FAM135B: variants seen among roughly 807,000 people sequenced by gnomAD.
FAM135B encodes protein FAM135B.
In FAM135B, 43 loss-of-function variants were observed where a neutral mutation model predicts 127.7. The ratio of observed to expected loss-of-function variants is 0.34; its 90% CI spans 0.26 to 0.43. The LOEUF is 0.43. Among genes scored for constraint, FAM135B ranks in the 20% least tolerant of loss-of-function variants. The pLI is 1.00. For synonymous variants in FAM135B, 670 were observed against 665.1 expected, an observed-to-expected ratio of 1.01 and a Z score of -0.11; for missense variants, 1,558 against 1,725.6, an observed-to-expected ratio of 0.90 and a Z score of 1.72.
chr8:138,137,404 A>G (rs796941933), intron 18 of FAM135B, 144 bp from the exon 19 acceptor site: 1 of 642,914 alleles, frequency 1.6e-6, no homozygotes, highest in Non-Finnish European at 2.8e-6. Flanking sequence ...ACACAAGGAC[A>G]TTCTGTCCTG....
At chr8:138,441,589 C>T (rs1252758469) in intron 1 of FAM135B, 3 of 152,200 alleles carry the variant, frequency 2.0e-5, no homozygotes, top group Admixed American at 1.3e-4. Context: ...CCAGTTAGTA[C>T]ATACATTCCA....
At chr8:138,356,525 A>T (rs1830100275) in intron 2 of FAM135B, among the ~76,000 whole-genome samples, 1 of 152,178 alleles carries the variant, frequency 6.6e-6, no homozygotes, top group Admixed American at 6.6e-5. Flanking sequence ...TCTTCTCCAA[A>T]GAATTCTGGT....
intron 3 of FAM135B, among the ~76,000 whole-genome samples, chr8:138,295,133 G>GTTTTTTTTTTTT (rs1825391498): frequency 3.5e-5 from 4 of 115,398 alleles, no homozygotes; most frequent in African/African-American, 1.4e-4. Flanking sequence ...TTTTTTTTGG[G>GTTTTTTTTTTTT]TAGGAATCCC....
chr8:138,470,460 G>A (rs527340015), intron 1 of FAM135B, among the ~76,000 whole-genome samples: 4 of 152,198 alleles, frequency 2.6e-5, no homozygotes, highest in Admixed American at 6.5e-5. Flanking sequence ...ATGGTCTTGC[G>A]GATGATATTT....
chr8:138,447,500 C>G (rs184694505), intron 1 of FAM135B, among the ~76,000 whole-genome samples: 3 of 152,030 alleles, frequency 2.0e-5, no homozygotes, highest in Non-Finnish European at 4.4e-5. Context: ...TCATGTCCTT[C>G]GTAGGGACAT....
intron 9 of FAM135B, among the ~76,000 whole-genome samples, chr8:138,186,565 C>T (rs1013549992): frequency 2.6e-5 from 4 of 152,102 alleles, no homozygotes; most frequent in Non-Finnish European, 4.4e-5. Context: ...TTGCAATGAC[C>T]GGCCAATTCT....
intron 1 of FAM135B, among the ~76,000 whole-genome samples, chr8:138,407,439 C>G (rs1833582171): frequency 1.3e-5 from 2 of 152,240 alleles, no homozygotes; most frequent in East Asian, 3.9e-4. Flanking sequence ...AAAAAGAGCC[C>G]ACATCGCCAA....
intron 3 of FAM135B, among the ~76,000 whole-genome samples, chr8:138,306,644 G>A (rs1406459853): frequency 2.0e-5 from 3 of 149,926 alleles, no homozygotes; most frequent in Non-Finnish European, 3.0e-5. Context: ...GAGCAGTGGC[G>A]CGATCTCTGC....
In FAM135B at chr8:138,151,676, C is replaced by G. The variant is rs762232996; in HGVS notation, c.2799G>C (p.Gln933His). 6.2e-7 allele frequency: 1 copy of G among 1,614,056 alleles called. No homozygotes were observed. The highest frequency in any genetic ancestry group is 8.5e-7 in the Non-Finnish European group (1 of 1,180,046). The change falls in exon 13 of 20, where the codon CAG becomes CAC. Residue 933 changes from glutamine (Q) to histidine (H), a missense_variant. Gln to His is a conservative substitution (Grantham distance 24, BLOSUM62 0). This residue lies in a region of FAM135B where 923 missense variants were observed against 865.3 expected (regional missense o/e 1.07). Coordinates refer to ENST00000395297, the MANE Select transcript of FAM135B (RefSeq NM_015912.4). ...ISEVEGLSQH[Q>H]VPELSCTSAA... ...CTGACGTACAGCTCAATTCAGGCAC[C>G]TGATGTTGAGAGAGACCCTCAACCT...
intron 1 of FAM135B, among the ~76,000 whole-genome samples, chr8:138,424,378 C>T (rs537658057): frequency 7.9e-5 from 12 of 152,284 alleles, no homozygotes; most frequent in Admixed American, 3.3e-4. Flanking sequence ...TGGCTTCAGC[C>T]GGTCCCTCCG....
intron 1 of FAM135B, among the ~76,000 whole-genome samples, chr8:138,493,048 G>C (rs1370031451): frequency 6.6e-6 from 1 of 152,150 alleles, no homozygotes; most frequent in Non-Finnish European, 1.5e-5. Flanking sequence ...CGGAGGTGGA[G>C]GGAGGGCCAC....
chr8:138,163,972 GT>G (rs1385351924), intron 12 of FAM135B, among the ~76,000 whole-genome samples: 1 of 152,146 alleles, frequency 6.6e-6, no homozygotes, highest in Non-Finnish European at 1.5e-5. Flanking sequence ...TGGACTACAG[GT>G]GTGAGCCACC....
At chr8:138,377,056 T>C (rs763144661) in intron 1 of FAM135B, among the ~76,000 whole-genome samples, 3 of 152,242 alleles carry the variant, frequency 2.0e-5, no homozygotes, top group Non-Finnish European at 4.4e-5. Flanking sequence ...TGAAGAAATA[T>C]CATAATTCCA....
chr8:138,169,589 TTCTCA>T (rs1427044961), intron 11 of FAM135B, among the ~76,000 whole-genome samples: 1 of 152,236 alleles, frequency 6.6e-6, no homozygotes, highest in Non-Finnish European at 1.5e-5. Context: ...TCTTTAAATA[TTCTCA>T]TCTGAGTGTT....
rs2130782579 is a variant in FAM135B, at chr8:138,152,816, G to A, written c.1659C>T (p.Tyr553=). The A allele has an allele frequency of 1.2e-6, 2 of 1,614,168 alleles. No individual in the cohort carries two copies. Among genetic ancestry groups the A allele is most frequent in the Non-Finnish European group, 1.7e-6 (2 of 1,180,034 alleles). Residue 553 remains tyrosine (Y), a synonymous_variant, in exon 13 of 20, where the codon TAC becomes TAT. Transcript: ENST00000395297. ...TCTTATTGCTAGATTTTACGTCAAT[G>A]TAGGTCAGCACTGGGGCCTGTCCAT... is the stretch of plus-strand genomic sequence containing the variant. ...PEDGQAPVLT[Y]IDVKSSNKNP...
chr8:138,270,437 T>C lies in FAM135B; in HGVS notation c.158-4595A>G, dbSNP rs192118547. On this transcript the variant is annotated intron_variant, in intron 3 of 19. Coordinates refer to ENST00000395297, the MANE Select transcript of FAM135B (RefSeq NM_015912.4). Reference sequence around the variant, plus strand: ...CAGGGCTTCATGGGTAGAAGGTTGGTTTGGCTACATTGTGAGCTGGAAAGA... The same window carrying C: ...CAGGGCTTCATGGGTAGAAGGTTGGCTTGGCTACATTGTGAGCTGGAAAGA... 2.6e-4 allele frequency among the ~76,000 whole-genome samples: 39 copies of C among 152,286 alleles called. 1 individual carries two copies. Among genetic ancestry groups the C allele is most frequent in the African/African-American group, 9.1e-4 (38 of 41,580 alleles).
At chr8:138,298,678 C>T (rs1278488697) in intron 3 of FAM135B, among the ~76,000 whole-genome samples, 3 of 152,078 alleles carry the variant, frequency 2.0e-5, no homozygotes, top group Non-Finnish European at 4.4e-5. Flanking sequence ...AGTGACAAGC[C>T]AGACTGTCTG....
intron 1 of FAM135B, among the ~76,000 whole-genome samples, chr8:138,407,374 C>A (rs1471344327): frequency 3.3e-5 from 5 of 152,160 alleles, no homozygotes; most frequent in African/African-American, 4.8e-5. Flanking sequence ...ATCAAGCTAC[C>A]AATGACTTTC....
intron 1 of FAM135B, among the ~76,000 whole-genome samples, chr8:138,410,770 A>G (rs936776161): frequency 7.9e-5 from 12 of 152,332 alleles, no homozygotes; most frequent in African/African-American, 2.9e-4. Context: ...CTACCCAGCA[A>G]TCCCATTACT....
Sources: gnomAD v4.1 joint callset for allele counts (sites outside exome capture counted in the v4.1 genomes callset) on GRCh38, gnomAD v4.1.1 for gene constraint, gnomAD v4.1.1 regional missense constraint, MANE v1.5 for transcripts, NCBI Gene and HGNC (gene_info 2026-07-23, HGNC 2026-07-21) for gene names.